PDE10A: variants seen among roughly 807,000 people sequenced by gnomAD.
PDE10A encodes the protein phosphodiesterase 10A.
In PDE10A, 39 loss-of-function variants were observed where a neutral mutation model predicts 97.7. The observed-to-expected ratio is 0.40, with a 90% CI of 0.31 to 0.52. The LOEUF (loss-of-function observed/expected upper bound fraction) is 0.52, where lower values mean the gene tolerates loss of function less well. PDE10A is among the 20% of genes least tolerant of loss of function. The probability of loss-of-function intolerance (pLI) is 0.56; values close to 1 mark genes in which losing one functional copy is unlikely to be tolerated. For synonymous variants in PDE10A, 371 were observed against 376.8 expected, an observed-to-expected ratio of 0.98 and a Z score of 0.18; for missense variants, 731 against 1,047.8, an observed-to-expected ratio of 0.70 and a Z score of 4.17.
In PDE10A at chr6:165,501,773, C is replaced by T. The variant is rs560207897; in HGVS notation, c.995-19430G>A. On this transcript the variant is annotated intron_variant, in intron 2 of 21. Transcript: ENST00000539869. ...AAATACAGGCAATTCAAAATCTCAA[C>T]GGCCTTCTGTCGAACTTGACAAGGT... Among the ~76,000 whole-genome samples the T allele has an allele frequency of 5.3e-5, 8 of 152,292 alleles. No homozygotes were observed. The South Asian group carries it at 1.0e-3, about 20-fold the overall frequency.
At chr6:165,823,520 A>ATG (rs1376882770) in intron 1 of PDE10A, among the ~76,000 whole-genome samples, 4 of 97,914 alleles carry the variant, frequency 4.1e-5, no homozygotes, top group African/African-American at 9.4e-5. Context: ...ATATATATAT[A>ATG]TATATGAACC....
intron 20 of PDE10A, among the ~76,000 whole-genome samples, chr6:165,336,437 A>G (rs1781652398): frequency 6.6e-6 from 1 of 152,236 alleles, no homozygotes. Flanking sequence ...GATTCAAAAC[A>G]TATTACAAAG....
At chr6:165,567,041 C>T (rs1190270425) in intron 1 of PDE10A, among the ~76,000 whole-genome samples, 8 of 152,178 alleles carry the variant, frequency 5.3e-5, no homozygotes, top group Non-Finnish European at 8.8e-5. Flanking sequence ...AACATGGAAA[C>T]TACCAAATAT....
At chr6:165,528,424 G>C (rs2128313182) in intron 2 of PDE10A, among the ~76,000 whole-genome samples, 1 of 152,272 alleles carries the variant, frequency 6.6e-6, no homozygotes, top group African/African-American at 2.4e-5. Flanking sequence ...ACTGGACTGA[G>C]TGTCCAATTT....
chr6:165,584,051 T>A (rs1316217216), intron 1 of PDE10A, among the ~76,000 whole-genome samples: 3 of 152,170 alleles, frequency 2.0e-5, no homozygotes, highest in African/African-American at 7.2e-5. Context: ...GGGTGATTGA[T>A]CCTGATTGCC....
intron 1 of PDE10A, among the ~76,000 whole-genome samples, chr6:165,591,797 CAAG>C (rs1225353076): frequency 6.6e-6 from 1 of 152,068 alleles, no homozygotes; most frequent in Non-Finnish European, 1.5e-5. Flanking sequence ...ATGCTGTTTA[CAAG>C]AAGAAAGAAA....
chr6:165,778,220 A>G (rs549073803), intron 1 of PDE10A, among the ~76,000 whole-genome samples: 13 of 152,096 alleles, frequency 8.5e-5, no homozygotes, highest in Non-Finnish European at 1.8e-4. Flanking sequence ...ACAGGTGCCC[A>G]CCATCACGCC....
intron 1 of PDE10A, among the ~76,000 whole-genome samples, chr6:165,750,131 G>A (rs921736254): frequency 3.9e-5 from 6 of 152,204 alleles, no homozygotes; most frequent in Non-Finnish European, 7.3e-5. Context: ...TGGGCACAGG[G>A]CAGAAGTGGA....
intron 1 of PDE10A, among the ~76,000 whole-genome samples, chr6:165,627,992 C>G (rs1472433544): frequency 6.6e-6 from 1 of 152,200 alleles, no homozygotes; most frequent in Non-Finnish European, 1.5e-5. Flanking sequence ...CACCTTGGGG[C>G]TTACCTGGAA....
chr6:165,334,982 C>A (rs1781563788), intron 21 of PDE10A, among the ~76,000 whole-genome samples: 1 of 152,164 alleles, frequency 6.6e-6, no homozygotes. Context: ...TCCCACAGGG[C>A]ATCCACTCCA....
Position 165,379,251 on chromosome 6 carries a change from T to C in PDE10A, c.2726A>G (p.Lys909Arg). 1 of 1,613,794 alleles carries C rather than the reference T, an allele frequency of 6.2e-7. No homozygotes were observed. Among genetic ancestry groups the C allele is most frequent in the Non-Finnish European group, 8.5e-7 (1 of 1,179,714 alleles). Residue 909 changes from lysine to arginine, a missense_variant, in exon 18 of 22, where the codon AAG becomes AGG. Around this residue, in one of 8 missense-constraint regions of PDE10A, gnomAD observed 96 missense variants for 156.7 expected, o/e 0.61. Transcript: ENST00000539869. ...GGTCTGGTACATCTCTTCCAACTGC[T>C]TCCTGTTTCCAAAGTATAAAGCAAG... ...TDLALYFGNR[K>R]QLEEMYQTGS...
At chr6:165,643,683 G>C (rs1182745847) in intron 1 of PDE10A, among the ~76,000 whole-genome samples, 1 of 152,174 alleles carries the variant, frequency 6.6e-6, no homozygotes, top group Non-Finnish European at 1.5e-5. Flanking sequence ...GGTCACCAGA[G>C]GCTGGGACAG....
chr6:165,777,671 C>T (rs775551376), intron 1 of PDE10A, among the ~76,000 whole-genome samples: 1 of 151,186 alleles, frequency 6.6e-6, no homozygotes, highest in Non-Finnish European at 1.5e-5. Context: ...CAGATAAGAT[C>T]GGCGGCTGAT....
chr6:165,803,092 T>C (rs746292209), intron 1 of PDE10A, among the ~76,000 whole-genome samples: 3 of 152,242 alleles, frequency 2.0e-5, no homozygotes, highest in Non-Finnish European at 4.4e-5. Flanking sequence ...GAAGAAATGA[T>C]TGAACTTGAC....
intron 1 of PDE10A, among the ~76,000 whole-genome samples, chr6:165,673,001 C>T (rs892724355): frequency 1.3e-5 from 2 of 152,326 alleles, no homozygotes; most frequent in East Asian, 1.9e-4. Context: ...CTCCCCTCCA[C>T]ACCTTTGCCA....
chr6:165,569,175 A>G (rs1784930402), intron 1 of PDE10A, among the ~76,000 whole-genome samples: 1 of 152,238 alleles, frequency 6.6e-6, no homozygotes, highest in Non-Finnish European at 1.5e-5. Flanking sequence ...TAAAGTGGCT[A>G]CTAGAATACT....
chr6:165,410,119 T>TC (rs1787625000), intron 13 of PDE10A, among the ~76,000 whole-genome samples: 1 of 151,898 alleles, frequency 6.6e-6, no homozygotes, highest in African/African-American at 2.4e-5. Flanking sequence ...AATGACTTTT[T>TC]CCCACATCCC....
At chr6:165,625,058 T>C (rs1245002555) in intron 1 of PDE10A, among the ~76,000 whole-genome samples, 3 of 152,160 alleles carry the variant, frequency 2.0e-5, no homozygotes, top group East Asian at 3.9e-4. Context: ...TGGAGAACAA[T>C]GCACTTGACC....
chr6:165,923,517 C>G (rs1375910279), intron 1 of PDE10A, among the ~76,000 whole-genome samples: 1 of 152,222 alleles, frequency 6.6e-6, no homozygotes, highest in Non-Finnish European at 1.5e-5. Flanking sequence ...TGGGCTGCAG[C>G]AGTGCCCCCT....
Sources: allele counts gnomAD v4.1 joint callset (sites outside exome capture counted in the v4.1 genomes callset), GRCh38; gene constraint gnomAD v4.1.1; regional missense constraint gnomAD v4.1.1; transcripts MANE v1.5; gene names NCBI Gene and HGNC (gene_info 2026-07-23, HGNC 2026-07-21).